Variants in AGMO observed in about 807,000 individuals in gnomAD.
AGMO encodes glyceryl-ether monooxygenase.
AGMO carries 75 observed loss-of-function variants against 60.2 expected under a neutral mutation model. The observed-to-expected ratio is 1.25, with a 90% CI of 1.03 to 1.51. The LOEUF (loss-of-function observed/expected upper bound fraction) is 1.51, where lower values mean the gene tolerates loss of function less well. AGMO is among the 40% of genes most tolerant of loss of function. The pLI, the probability that AGMO is intolerant of heterozygous loss-of-function variation, is 0.00. For missense variants in AGMO, 763 were observed against 525.5 expected (o/e 1.45, Z -4.42); for synonymous variants, 261 against 177.1 (o/e 1.47, Z -3.76).
At chr7:15,184,940 G>A in the AGMO span, among the ~76,000 whole-genome samples, 22 of 151,264 alleles carry the variant, frequency 1.5e-4, no homozygotes, top group African/African-American at 5.1e-4. Flanking sequence ...GAAGGAAGGA[G>A]AAATGAAAGA....
chr7:15,389,318 A>G (rs571858143), intron 8 of AGMO, among the ~76,000 whole-genome samples: 30 of 151,238 alleles, frequency 2.0e-4, no homozygotes, highest in Middle Eastern at 3.4e-3. Context: ...CTCTTTTTTA[A>G]TGACTGCAAT....
intron 12 of AGMO, among the ~76,000 whole-genome samples, chr7:15,267,563 T>A (rs542026752): frequency 6.6e-6 from 1 of 152,110 alleles, no homozygotes; most frequent in East Asian, 1.9e-4. Flanking sequence ...ATTACACTGG[T>A]CTGAACAACA....
intron 12 of AGMO, among the ~76,000 whole-genome samples, chr7:15,314,960 C>G (rs988305093): frequency 6.6e-6 from 1 of 152,070 alleles, no homozygotes; most frequent in Non-Finnish European, 1.5e-5. Context: ...TCTGTAGGGA[C>G]CCCAATGTAA....
Position 15,385,892 on chromosome 7 carries a change from C to T in AGMO, c.958-330G>A, listed in dbSNP as rs1783890697. Among the ~76,000 whole-genome samples the T allele has an allele frequency of 2.0e-5, 3 of 152,192 alleles. No individual in the cohort carries two copies. In the South Asian group the frequency reaches 6.2e-4, roughly 32 times the overall value. ...GGCAAAAGCAAAGTAAAAGAAAAAA[C>T]AGAAGGTGCCAGATGTGGTGACTCA... On this transcript the variant is annotated intron_variant, in intron 9 of 12. Transcript: ENST00000342526.
intron 1 of AGMO, 114 bp downstream of exon 1, chr7:15,561,606 A>C (rs1785308551): frequency 9.6e-7 from 1 of 1,045,378 alleles, no homozygotes; most frequent in Admixed American, 3.0e-5. Context: ...AATTATTATT[A>C]TTAGAATGTA....
At chr7:15,197,929 T>A (rs905792333), downstream of AGMO, among the ~76,000 whole-genome samples, 1 of 152,164 alleles carries the variant, frequency 6.6e-6, no homozygotes, top group African/African-American at 2.4e-5. Context: ...TGGTCACTTA[T>A]TACATTTCAT....
intron 10 of AGMO, among the ~76,000 whole-genome samples, chr7:15,372,279 C>T (rs989388476): frequency 4.6e-5 from 7 of 151,826 alleles, no homozygotes; most frequent in Non-Finnish European, 8.8e-5. Flanking sequence ...GGTGAAATCC[C>T]GTCTCTACTA....
intron 3 of AGMO, among the ~76,000 whole-genome samples, chr7:15,443,531 C>G (rs966820008): frequency 1.3e-5 from 2 of 152,222 alleles, no homozygotes; most frequent in African/African-American, 2.4e-5. Context: ...TGTCAGCATC[C>G]TTCCTTTGCT....
At chr7:15,427,003 CAG>C (rs1781083565) in intron 4 of AGMO, among the ~76,000 whole-genome samples, 1 of 151,966 alleles carries the variant, frequency 6.6e-6, no homozygotes, top group Admixed American at 6.6e-5. Flanking sequence ...AAACTATAGG[CAG>C]AGTTAGCTTC....
intron 12 of AGMO, among the ~76,000 whole-genome samples, chr7:15,261,696 A>G (rs1783276566): frequency 6.6e-6 from 1 of 151,930 alleles, no homozygotes; most frequent in African/African-American, 2.4e-5. Flanking sequence ...GGACATAACA[A>G]AAAAAAGAAA....
intron 4 of AGMO, among the ~76,000 whole-genome samples, chr7:15,425,600 G>A (rs575220231): frequency 3.7e-4 from 56 of 151,694 alleles, no homozygotes; most frequent in Admixed American, 9.2e-4. Context: ...CACCACACCC[G>A]ACTAATTTAT....
At chr7:15,396,523 C>CA (rs1562486234) in intron 5 of AGMO, 1 of 152,240 alleles carries the variant, frequency 6.6e-6, no homozygotes. Flanking sequence ...ACATACATTG[C>CA]AAAGAGCAAA....
At chr7:15,397,000 A>C (rs1471073149) in intron 5 of AGMO, among the ~76,000 whole-genome samples, 1 of 152,170 alleles carries the variant, frequency 6.6e-6, no homozygotes, top group African/African-American at 2.4e-5. Context: ...TAGAGTGCTG[A>C]TTGGTGCGTT....
At chr7:15,262,948 A>C (rs1231125801) in intron 12 of AGMO, among the ~76,000 whole-genome samples, 2 of 152,164 alleles carry the variant, frequency 1.3e-5, no homozygotes, top group African/African-American at 4.8e-5. Context: ...TCAAAGACTT[A>C]AATATAAGAC....
chr7:15,376,207 G>T (rs191394813), intron 10 of AGMO, among the ~76,000 whole-genome samples: 8 of 151,240 alleles, frequency 5.3e-5, no homozygotes, highest in Non-Finnish European at 8.8e-5. Context: ...CCCACATTAC[G>T]TAACTTAGTT....
intron 12 of AGMO, among the ~76,000 whole-genome samples, chr7:15,293,534 T>TA (rs898227718): frequency 6.6e-6 from 1 of 152,038 alleles, no homozygotes; most frequent in Non-Finnish European, 1.5e-5. Flanking sequence ...ATGTAAGTTA[T>TA]AAAAAAATGT....
intron 12 of AGMO, among the ~76,000 whole-genome samples, chr7:15,213,652 C>T (rs1312938095): frequency 6.6e-6 from 1 of 151,758 alleles, no homozygotes; most frequent in Non-Finnish European, 1.5e-5. Context: ...AGACAGATTC[C>T]AAAATCGTCA....
the AGMO span, among the ~76,000 whole-genome samples, chr7:15,137,189 T>A: frequency 6.6e-6 from 1 of 152,196 alleles, no homozygotes; most frequent in Non-Finnish European, 1.5e-5. Flanking sequence ...CTGATATTTC[T>A]TACACATTTG....
intron 12 of AGMO, among the ~76,000 whole-genome samples, chr7:15,219,744 C>A (rs750699572): frequency 6.6e-6 from 1 of 151,764 alleles, no homozygotes; most frequent in Non-Finnish European, 1.5e-5. Flanking sequence ...ATGACAGTGG[C>A]CAGAGGGAAA....
Sources: gnomAD v4.1 joint callset for allele counts (sites outside exome capture counted in the v4.1 genomes callset) on GRCh38, gnomAD v4.1.1 for gene constraint, MANE v1.5 for transcripts, NCBI Gene and HGNC (gene_info 2026-07-23, HGNC 2026-07-21) for gene names.